UNC13C: variants seen among roughly 807,000 people sequenced by gnomAD.
UNC13C encodes the protein protein unc-13 homolog C.
UNC13C carries 174 observed loss-of-function variants against 245.4 expected under a neutral mutation model. That is an observed-to-expected ratio of 0.71 (90% CI 0.63 to 0.80). The LOEUF (loss-of-function observed/expected upper bound fraction) is 0.80, where lower values mean the gene tolerates loss of function less well. Among genes scored for constraint, UNC13C ranks in the 30% least tolerant of loss-of-function variants. The pLI is 0.00. For missense variants in UNC13C, 2,829 were observed against 2,602.9 expected, an observed-to-expected ratio of 1.09 and a Z score of -1.89; for synonymous variants, 992 against 895.1, an observed-to-expected ratio of 1.11 and a Z score of -1.93.
intron 24 of UNC13C, among the ~76,000 whole-genome samples, chr15:54,520,523 T>C (rs960053435): frequency 5.3e-5 from 8 of 152,080 alleles, no homozygotes; most frequent in African/African-American, 1.4e-4. Context: ...TGGGTGATAA[T>C]TGAAGCCATG....
chr15:54,407,644 A>G (rs879313092), intron 18 of UNC13C, among the ~76,000 whole-genome samples: 6 of 152,162 alleles, frequency 3.9e-5, no homozygotes, highest in Non-Finnish European at 7.3e-5. Context: ...GTGTATCATA[A>G]TGTTTTATAA....
At chr15:54,435,310 T>C (rs1352306195) in intron 19 of UNC13C, among the ~76,000 whole-genome samples, 2 of 151,854 alleles carry the variant, frequency 1.3e-5, no homozygotes, top group African/African-American at 4.8e-5. Flanking sequence ...GTTCACAATA[T>C]CAAAGACTTG....
intron 19 of UNC13C, among the ~76,000 whole-genome samples, chr15:54,431,839 T>C (rs2040879579): frequency 6.6e-6 from 1 of 151,570 alleles, no homozygotes; most frequent in African/African-American, 2.4e-5. Flanking sequence ...TTTCTAGAGA[T>C]CACATTAATC....
intron 19 of UNC13C, among the ~76,000 whole-genome samples, chr15:54,460,490 G>C (rs973545814): frequency 5.9e-5 from 9 of 152,216 alleles, no homozygotes; most frequent in African/African-American, 2.2e-4. Flanking sequence ...GTTCTGTTAT[G>C]AGTGGCTGTA....
At chr15:53,916,466 G>C in the UNC13C span, among the ~76,000 whole-genome samples, 3 of 152,302 alleles carry the variant, frequency 2.0e-5, no homozygotes, top group Non-Finnish European at 4.4e-5. Context: ...AAAGGATGAG[G>C]GGAAGCAGCC....
chr15:54,525,649 C>T lies in UNC13C; in HGVS notation c.5546+12C>T, dbSNP rs1383615328. The T allele has an allele frequency of 6.2e-7, 1 of 1,604,626 alleles. No individual in the cohort carries two copies. Among genetic ancestry groups the T allele is most frequent in the South Asian group, 1.1e-5 (1 of 89,670 alleles). On this transcript the variant is annotated intron_variant, in intron 25 of 32. Transcript: ENST00000260323. ...ACTTATGGTGAAAGGTAAGTGGCCTCTGTTGTCATTATCTAAATTAGATAA... is the reference window on the plus strand; with the variant it reads ...ACTTATGGTGAAAGGTAAGTGGCCTTTGTTGTCATTATCTAAATTAGATAA...
At chr15:54,608,770 A>G (rs1259441524) in intron 30 of UNC13C, among the ~76,000 whole-genome samples, 1 of 152,172 alleles carries the variant, frequency 6.6e-6, no homozygotes, top group African/African-American at 2.4e-5. Flanking sequence ...AAATGAAACC[A>G]TATATATTCT....
At chr15:53,844,082 G>A in the UNC13C span, among the ~76,000 whole-genome samples, 6 of 152,152 alleles carry the variant, frequency 3.9e-5, no homozygotes, top group Non-Finnish European at 8.8e-5. Context: ...CAGCTGAAGG[G>A]AAAAGAAGTG....
chr15:53,931,302 G>A, the UNC13C span, among the ~76,000 whole-genome samples: 1 of 152,056 alleles, frequency 6.6e-6, no homozygotes, highest in Non-Finnish European at 1.5e-5. Flanking sequence ...CTGAGTAGCT[G>A]GGATCACAGG....
At chr15:54,066,199 A>G (rs1353357383) in intron 2 of UNC13C, among the ~76,000 whole-genome samples, 1 of 152,208 alleles carries the variant, frequency 6.6e-6, no homozygotes, top group East Asian at 1.9e-4. Context: ...ATCTGAATTA[A>G]TAAGTAAAGA....
At chr15:54,181,480 T>A (rs1418694441) in intron 4 of UNC13C, among the ~76,000 whole-genome samples, 1 of 146,806 alleles carries the variant, frequency 6.8e-6, no homozygotes, top group Non-Finnish European at 1.5e-5. Context: ...TTTGTTTTGT[T>A]TTTTGTTTGT....
chr15:54,167,438 C>T (rs1241607546), intron 4 of UNC13C, among the ~76,000 whole-genome samples: 1 of 144,130 alleles, frequency 6.9e-6, no homozygotes, highest in Non-Finnish European at 1.5e-5. Flanking sequence ...GGAGGCGGAG[C>T]TTGCAGTGAG....
intron 30 of UNC13C, among the ~76,000 whole-genome samples, chr15:54,578,714 C>T (rs1596604814): frequency 6.6e-6 from 1 of 152,330 alleles, no homozygotes; most frequent in Admixed American, 6.5e-5. Context: ...AGAGGGCCAG[C>T]ACCATGGCTC....
Position 54,062,074 on chromosome 15 carries a change from G to T in UNC13C, c.2983+46188G>T, listed in dbSNP as rs537894547. 6.6e-5 allele frequency among the ~76,000 whole-genome samples: 10 copies of T among 151,852 alleles called. No individual in the cohort carries two copies. The South Asian group carries it at 2.1e-3, about 32-fold the overall frequency. Reference sequence around the variant, plus strand: ...GTGGCTCACACCTGTAATCCCAGCAGTTTGGGAGGCCTAGGCAGGTGGATC... The same window carrying T: ...GTGGCTCACACCTGTAATCCCAGCATTTTGGGAGGCCTAGGCAGGTGGATC... On this transcript the variant is annotated intron_variant, in intron 2 of 32. Transcript: ENST00000260323.
chr15:54,459,258 T>A (rs1187939865), intron 19 of UNC13C, among the ~76,000 whole-genome samples: 1 of 152,208 alleles, frequency 6.6e-6, no homozygotes, highest in Non-Finnish European at 1.5e-5. Flanking sequence ...CTGAGAAATA[T>A]ACCGTTAATC....
chr15:53,936,584 C>T, the UNC13C span, among the ~76,000 whole-genome samples: 1 of 152,180 alleles, frequency 6.6e-6, no homozygotes, highest in Non-Finnish European at 1.5e-5. Context: ...GTGAAACCTC[C>T]CAACAGGGGT....
chr15:54,477,644 TC>T (rs1892836760), intron 19 of UNC13C, among the ~76,000 whole-genome samples: 1 of 131,078 alleles, frequency 7.6e-6, no homozygotes, highest in African/African-American at 2.9e-5. Flanking sequence ...CAGCCTTGAA[TC>T]CCAGGGATGA....
chr15:53,942,034 C>T, the UNC13C span, among the ~76,000 whole-genome samples: 1 of 152,116 alleles, frequency 6.6e-6, no homozygotes, highest in Non-Finnish European at 1.5e-5. Flanking sequence ...TGCTGCTTGA[C>T]CCAGCAATCC....
At chr15:54,096,791 G>A (rs1280925740) in intron 2 of UNC13C, among the ~76,000 whole-genome samples, 1 of 151,998 alleles carries the variant, frequency 6.6e-6, no homozygotes, top group Non-Finnish European at 1.5e-5. Flanking sequence ...AAGTAAGAGA[G>A]ATCTAGGGAA....
Sources: gnomAD v4.1 joint callset for allele counts (sites outside exome capture counted in the v4.1 genomes callset) on GRCh38, gnomAD v4.1.1 for gene constraint, MANE v1.5 for transcripts, NCBI Gene and HGNC (gene_info 2026-07-23, HGNC 2026-07-21) for gene names.